The following SLC26A2 variants were observed in gnomAD, a reference collection of about 807,000 sequenced individuals.
The protein encoded by SLC26A2 is sulfate transporter.
A neutral mutation model predicts 41.1 loss-of-function variants in SLC26A2; 36 were observed. The observed-to-expected ratio is 0.88, with a 90% confidence interval of 0.67 to 1.16. The LOEUF (loss-of-function observed/expected upper bound fraction) is 1.16, where lower values mean the gene tolerates loss of function less well. Ranked by LOEUF, SLC26A2 falls within the 50% of genes most tolerant of loss-of-function variation. The pLI is 0.00. For missense variants in SLC26A2, 796 were observed against 869.6 expected, an observed-to-expected ratio of 0.92 and a Z score of 1.07; for synonymous variants, 291 against 311.6, an observed-to-expected ratio of 0.93 and a Z score of 0.70.
At chr5:149,974,392 A>G (rs1330221959) in intron 1 of SLC26A2, among the ~76,000 whole-genome samples, 1 of 151,050 alleles carries the variant, frequency 6.6e-6, no homozygotes, top group African/African-American at 2.4e-5. Flanking sequence ...GGAATTCTCT[A>G]AGATTCTTGG....
rs1300885987 is a variant in SLC26A2, at chr5:149,981,695, A to G, written c.2102A>G (p.Lys701Arg). 2 of 1,611,694 alleles carry G rather than the reference A, an allele frequency of 1.2e-6. No homozygotes were observed. Among genetic ancestry groups the G allele is most frequent in the East Asian group, 2.2e-5 (1 of 44,866 alleles). Reference protein sequence around the residue: ...RDSLTNGEYCKKEEENLLFYS... With the variant: ...RDSLTNGEYCRKEEENLLFYS... ...TCCCTAACCAACGGAGAATATTGCA[A>G]AAAGGAAGAAGAAAACCTTCTCTTC... The change falls in exon 3 of 3, where the codon AAA becomes AGA. Residue 701 changes from lysine (K) to arginine (R), a missense_variant. Physicochemically the swap from Lys to Arg is conservative, Grantham distance 26 (BLOSUM62 2). Coordinates refer to ENST00000286298, the MANE Select transcript of SLC26A2 (RefSeq NM_000112.4).
chr5:149,981,716 T>A lies in SLC26A2; in HGVS notation c.2123T>A (p.Leu708His), dbSNP rs1266306258. 3 of 1,609,712 alleles carry A rather than the reference T, an allele frequency of 1.9e-6. No homozygotes were observed. The Admixed American group carries it at 5.1e-5, about 27-fold the overall frequency. Residue 708 changes from leucine to histidine, a missense_variant, in exon 3 of 3, where the codon CTC becomes CAC. Physicochemically the swap from Leu to His is moderately conservative, Grantham distance 99. Transcript: ENST00000286298. ...EYCKKEEENL[L>H]FYSVYEAMAF... Reference sequence around the variant, plus strand: ...TGCAAAAAGGAAGAAGAAAACCTTCTCTTCTATAGTGTGTATGAAGCGATG... The same window carrying A: ...TGCAAAAAGGAAGAAGAAAACCTTCACTTCTATAGTGTGTATGAAGCGATG...
chr5:149,974,722 C>CT (rs11440508), intron 1 of SLC26A2, among the ~76,000 whole-genome samples: 45,234 of 100,876 alleles, frequency 0.45, 11,829 homozygotes, highest in African/African-American at 0.6. Context: ...TGCACCCGGC[C>CT]TTTTTTTTTT....
rs1292995238 is a variant in SLC26A2 at position 149,984,926 on chromosome 5, G to A, written c.*3113G>A. ...TAAGTTTGTTACAGCCAAAGGGTTG[G>A]AGTGTGCCAGTGCACAGGTAGACTA... On this transcript the variant is annotated 3_prime_UTR_variant, in exon 3 of 3. Transcript: ENST00000286298. 1 of 152,220 alleles carries A rather than the reference G, an allele frequency of 6.6e-6. No individual in the cohort carries two copies. Among genetic ancestry groups the A allele is most frequent in the African/African-American group, 2.4e-5 (1 of 41,448 alleles). The allele number at this position is 152,220 out of a possible 1,614,324, so 9.4% of individuals were successfully genotyped here. A position where few individuals can be genotyped will look rare whatever the true frequency, so the allele number is the denominator to read the frequency against.
chr5:149,983,073 C>A lies in SLC26A2; in HGVS notation c.*1260C>A, dbSNP rs568364063. The A allele has an allele frequency of 9.9e-5, 15 of 151,318 alleles. No homozygotes were observed. The highest frequency in any genetic ancestry group is 3.6e-4 in the African/African-American group (15 of 41,248). The allele number at this position is 151,318 out of a possible 1,614,324, so 9.4% of individuals were successfully genotyped here. On this transcript the variant is annotated 3_prime_UTR_variant, in exon 3 of 3. Transcript: ENST00000286298. ...GTACAAAATCATTTTTCAATCTGTT[C>A]CCAGTTTCTAAACAATTTTAAATAT...
chr5:149,973,515 C>G, intron 1 of SLC26A2, among the ~76,000 whole-genome samples: 1 of 152,048 alleles, frequency 6.6e-6, no homozygotes, highest in Admixed American at 6.6e-5. Context: ...CCCACTCCCT[C>G]TCTGTCTCTC....
intron 1 of SLC26A2, among the ~76,000 whole-genome samples, chr5:149,965,929 A>G (rs1754798656): frequency 6.6e-6 from 1 of 152,154 alleles, no homozygotes; most frequent in African/African-American, 2.4e-5. Flanking sequence ...TTTTTGAGAC[A>G]GAGTCTTGTC....
At chr5:149,967,303 C>CTA (rs746993258) in intron 1 of SLC26A2, among the ~76,000 whole-genome samples, 3 of 152,116 alleles carry the variant, frequency 2.0e-5, no homozygotes, top group East Asian at 1.9e-4. Context: ...GGTACTCTCT[C>CTA]TATATATATA....
intron 1 of SLC26A2, among the ~76,000 whole-genome samples, chr5:149,971,511 T>G (rs1754904770): frequency 6.6e-6 from 1 of 152,216 alleles, no homozygotes; most frequent in Non-Finnish European, 1.5e-5. Flanking sequence ...GCGATTCTCC[T>G]GCCTCAGCCT....
In SLC26A2 at chr5:149,977,692, A is replaced by G; in HGVS notation, c.40A>G (p.Arg14Gly). 1 of 1,614,114 alleles carries G rather than the reference A, an allele frequency of 6.2e-7. No individual in the cohort carries two copies. Among genetic ancestry groups the G allele is most frequent in the Non-Finnish European group, 8.5e-7 (1 of 1,179,954 alleles). The part of the protein sequence containing the change: ...ESKEQHNVSP[R>G]DSAEGNDSYP... ...TAAAGAGCAACATAACGTTTCACCC[A>G]GAGACTCAGCTGAAGGAAATGACAG... is the stretch of plus-strand genomic sequence containing the variant. Residue 14 changes from arginine to glycine, a missense_variant, in exon 2 of 3, where the codon AGA (arginine) becomes GGA (glycine). By Grantham distance (125) the Arg-to-Gly change is moderately radical. Coordinates refer to ENST00000286298, the MANE Select transcript of SLC26A2 (RefSeq NM_000112.4).
Position 149,981,882 on chromosome 5 carries a change from C to G in SLC26A2, c.*69C>G. 8.0e-7 allele frequency: 1 copy of G among 1,247,830 alleles called. No individual in the cohort carries two copies. The highest frequency in any genetic ancestry group is 1.1e-6 in the Non-Finnish European group (1 of 871,748). The allele number at this position is 1,247,830 out of a possible 1,614,324, so 77.3% of individuals were successfully genotyped here. On this transcript the variant is annotated 3_prime_UTR_variant, in exon 3 of 3. Transcript: ENST00000286298. ...TTCAAGTGTCCAACATTTCCCAGTT[C>G]CACAGTGGGAAATTTTGCACACTTG...
At chr5:149,963,659 C>A (rs1222382984) in intron 1 of SLC26A2, among the ~76,000 whole-genome samples, 1 of 151,786 alleles carries the variant, frequency 6.6e-6, no homozygotes, top group Non-Finnish European at 1.5e-5. Flanking sequence ...AGGTGATCCA[C>A]CTGCCTTGGC....
Position 149,986,105 on chromosome 5 carries a change from A to G in SLC26A2, c.*4292A>G, listed in dbSNP as rs990528924. The G allele has an allele frequency of 9.2e-5, 14 of 152,196 alleles. No individual in the cohort carries two copies. Among genetic ancestry groups the G allele is most frequent in the Admixed American group, 2.6e-4 (4 of 15,284 alleles). The allele number at this position is 152,196 out of a possible 1,614,324, so 9.4% of individuals were successfully genotyped here. A position where few individuals can be genotyped will look rare whatever the true frequency, so the allele number is the denominator to read the frequency against. On this transcript the variant is annotated 3_prime_UTR_variant, in exon 3 of 3. Coordinates refer to ENST00000286298, the MANE Select transcript of SLC26A2 (RefSeq NM_000112.4). ...TATTTGAAACTGGGCTTAAACTGCA[A>G]AAAGAATGAAGTTGGATTTAGGAAG...
chr5:149,977,724 A>G lies in SLC26A2; in HGVS notation c.72A>G (p.Pro24=), dbSNP rs759789848. The G allele has an allele frequency of 1.2e-5, 20 of 1,614,130 alleles. No individual in the cohort carries two copies. The highest frequency in any genetic ancestry group is 2.2e-5 in the East Asian group (1 of 44,886). Residue 24 remains proline, a synonymous_variant, in exon 2 of 3, where the codon CCA becomes CCG. Transcript: ENST00000286298. ...RDSAEGNDSY[P]SGIHLELQRE... ...CAGCTGAAGGAAATGACAGTTATCC[A>G]TCTGGGATCCATCTGGAACTTCAAA...
chr5:149,962,709 C>T (rs1221523267), intron 1 of SLC26A2, among the ~76,000 whole-genome samples: 1 of 152,124 alleles, frequency 6.6e-6, no homozygotes, highest in African/African-American at 2.4e-5. Flanking sequence ...ATGTAAACCC[C>T]CAGGCAGATG....
Position 149,981,378 on chromosome 5 carries a change from T to C in SLC26A2, c.1785T>C (p.Phe595=). The C allele has an allele frequency of 6.2e-7, 1 of 1,614,134 alleles. No homozygotes were observed. Among genetic ancestry groups the C allele is most frequent in the Admixed American group, 1.7e-5 (1 of 60,030 alleles). Residue 595 remains phenylalanine, a synonymous_variant, in exon 3 of 3, where the codon TTT becomes TTC. Transcript: ENST00000286298. ...APLYYINKEC[F]KSALYKQTVN... is the part of the protein sequence containing the mutation. The stretch of plus-strand genomic sequence containing the variant: ...TCTACTACATAAACAAAGAATGCTT[T>C]AAATCTGCTTTATACAAACAAACTG...
intron 2 of SLC26A2, 23 bp from the exon 3 acceptor site, chr5:149,980,270 C>T: frequency 6.3e-7 from 1 of 1,588,400 alleles, no homozygotes; most frequent in Non-Finnish European, 8.6e-7. Flanking sequence ...TTATATTTAA[C>T]ACTTCTATAT....
rs529744947 is a variant in SLC26A2, at chr5:149,982,017, C to T, written c.*204C>T. 24 of 571,618 alleles carry T rather than the reference C, an allele frequency of 4.2e-5. No individual in the cohort carries two copies. The highest frequency in any genetic ancestry group is 1.6e-4 in the Admixed American group (5 of 30,890). 35.4% of individuals were successfully genotyped at this position (571,618 alleles called of 1,614,324 possible). On this transcript the variant is annotated 3_prime_UTR_variant, in exon 3 of 3. Coordinates refer to ENST00000286298, the MANE Select transcript of SLC26A2 (RefSeq NM_000112.4). ...GGACAGAGTCAAAAAGAAGAAAATA[C>T]GGTTTCAGGCTTTCTTGCAGATATG... is the stretch of plus-strand genomic sequence containing the variant.
intron 1 of SLC26A2, among the ~76,000 whole-genome samples, chr5:149,973,880 C>T (rs377177519): frequency 2.0e-5 from 3 of 152,300 alleles, no homozygotes; most frequent in East Asian, 1.9e-4. Context: ...TGGTGGCTCA[C>T]ACCTGTAATC....
Sources: gnomAD v4.1 joint callset for allele counts (sites outside exome capture counted in the v4.1 genomes callset) on GRCh38, gnomAD v4.1.1 for gene constraint, MANE v1.5 for transcripts, NCBI Gene and HGNC (gene_info 2026-07-23, HGNC 2026-07-21) for gene names.